The following DPP6 variants were observed in gnomAD, a reference collection of about 807,000 sequenced individuals.
DPP6 encodes the protein A-type potassium channel modulatory protein DPP6.
DPP6 carries 69 observed loss-of-function variants against 122.6 expected under a neutral mutation model. The ratio of observed to expected loss-of-function variants is 0.56; its 90% CI spans 0.46 to 0.69. DPP6 has a LOEUF of 0.69. Ranked by LOEUF, DPP6 falls within the 30% of genes least tolerant of loss-of-function variation. The pLI is 0.00. For synonymous variants in DPP6, 418 were observed against 433.1 expected (o/e 0.97, Z 0.43); for missense variants, 928 against 1,116.9 (o/e 0.83, Z 2.41).
At chr7:154,276,562 T>A (rs1287120558) in intron 1 of DPP6, among the ~76,000 whole-genome samples, 1 of 152,224 alleles carries the variant, frequency 6.6e-6, no homozygotes, top group Non-Finnish European at 1.5e-5. Flanking sequence ...TTAAGAGTGT[T>A]ATTCTGACCT....
chr7:154,376,238 A>G (rs1813120646), intron 1 of DPP6, among the ~76,000 whole-genome samples: 1 of 152,214 alleles, frequency 6.6e-6, no homozygotes, highest in Non-Finnish European at 1.5e-5. Context: ...AATAGCACCA[A>G]CATGTGACCA....
intron 5 of DPP6, among the ~76,000 whole-genome samples, chr7:154,608,487 C>G (rs545847248): frequency 9.2e-6 from 1 of 108,176 alleles, no homozygotes; most frequent in African/African-American, 2.8e-5. Flanking sequence ...GCCACTACAC[C>G]TGGCTAATTT....
At chr7:154,203,288 A>T (rs1387570225) in intron 1 of DPP6, among the ~76,000 whole-genome samples, 1 of 152,128 alleles carries the variant, frequency 6.6e-6, no homozygotes, top group Non-Finnish European at 1.5e-5. Flanking sequence ...GGAAACAATG[A>T]TCCCATAAAC....
At chr7:154,805,301 C>T (rs370319390) in intron 15 of DPP6, among the ~76,000 whole-genome samples, 16 of 152,324 alleles carry the variant, frequency 1.1e-4, no homozygotes, top group African/African-American at 3.8e-4. Context: ...CCCTGCCCCA[C>T]CACAGATTTT....
rs1800471516 is a variant in DPP6, at chr7:154,052,896, C to T, written c.76C>T (p.His26Tyr). ...RSFPAPPEAS[H>Y]LLGGQGPEED... Reference sequence around the variant, plus strand: ...CTTCCCCGCGCCCCCGGAGGCGAGTCACCTCCTGGGCGGCCAGGGGCCCGA... The same window carrying T: ...CTTCCCCGCGCCCCCGGAGGCGAGTTACCTCCTGGGCGGCCAGGGGCCCGA... The change falls in exon 1 of 26, where the codon CAC (histidine) becomes TAC (tyrosine). Residue 26 changes from histidine (H) to tyrosine (Y), a missense_variant. By Grantham distance (83) the His-to-Tyr change is moderately conservative. Transcript: ENST00000377770. This position sits in a 1 kb window ranked among gnomAD's most constrained non-coding sequence, Gnocchi z 4.8. 8 of 1,526,884 alleles carry T rather than the reference C, an allele frequency of 5.2e-6. No individual in the cohort carries two copies. In the South Asian group the frequency reaches 6.0e-5, roughly 11 times the overall value. 94.6% of individuals were successfully genotyped at this position (1,526,884 alleles called of 1,614,324 possible).
At position 154,483,013 on chromosome 7, in the gene DPP6, G is replaced by T. The variant is rs1385468120; in HGVS notation, c.457+7976G>T. Among the ~76,000 whole-genome samples the T allele has an allele frequency of 1.3e-5, 2 of 152,150 alleles. No homozygotes were observed. Among genetic ancestry groups the T allele is most frequent in the Non-Finnish European group, 2.9e-5 (2 of 68,030 alleles). Reference sequence around the variant, plus strand: ...TCGTTAGGTATTGAGAACTGGGGATGAAGCCAGGTGAGAGGTTGGAGCCAT... The same window carrying T: ...TCGTTAGGTATTGAGAACTGGGGATTAAGCCAGGTGAGAGGTTGGAGCCAT... On this transcript the variant is annotated intron_variant, in intron 3 of 25. Coordinates refer to ENST00000377770, the MANE Select transcript of DPP6 (RefSeq NM_130797.4). This position sits in a 1 kb window ranked among gnomAD's most constrained non-coding sequence, Gnocchi z 8.1.
At chr7:154,332,137 TC>T (rs1809000903) in intron 1 of DPP6, among the ~76,000 whole-genome samples, 1 of 151,354 alleles carries the variant, frequency 6.6e-6, no homozygotes, top group South Asian at 2.1e-4. Context: ...AGTGGTGCAA[TC>T]CCAGCTCACT....
At position 154,887,900 on chromosome 7, in the gene DPP6, G is replaced by C. The variant is rs2316537; in HGVS notation, c.2304+166G>C. On this transcript the variant is annotated intron_variant, in intron 23 of 25. Coordinates refer to ENST00000377770, the MANE Select transcript of DPP6 (RefSeq NM_130797.4). The stretch of plus-strand genomic sequence containing the variant: ...ACCTCCGAAGGATCATTCCACCAGA[G>C]AGTGGATTGAGGTTAACATGGCCTC... 0.3 allele frequency among the ~76,000 whole-genome samples: 45,904 copies of C among 151,654 alleles called. 8,405 individuals carry two copies. The highest frequency in any genetic ancestry group is 0.55 in the East Asian group (2,803 of 5,104).
intron 5 of DPP6, among the ~76,000 whole-genome samples, chr7:154,613,992 G>A (rs1423541867): frequency 6.6e-6 from 1 of 152,210 alleles, no homozygotes; most frequent in Admixed American, 6.5e-5. Context: ...TCCGCATACA[G>A]TGTCTTCTTT....
intron 1 of DPP6, among the ~76,000 whole-genome samples, chr7:154,401,716 G>A (rs1467246307): frequency 6.6e-6 from 1 of 152,142 alleles, no homozygotes; most frequent in African/African-American, 2.4e-5. Flanking sequence ...AACACCAAAA[G>A]CAATGGCAAC....
chr7:153,886,854 C>T (rs1584982194), upstream of DPP6, among the ~76,000 whole-genome samples: 1 of 152,178 alleles, frequency 6.6e-6, no homozygotes, highest in Non-Finnish European at 1.5e-5. Flanking sequence ...CCGGCCTCTC[C>T]CTTCTCTCGC....
intron 7 of DPP6, among the ~76,000 whole-genome samples, chr7:154,673,306 G>A (rs1476205367): frequency 6.6e-6 from 1 of 152,200 alleles, no homozygotes; most frequent in Non-Finnish European, 1.5e-5. Flanking sequence ...GGAACATGTA[G>A]CCTCCTGTGC....
intron 1 of DPP6, among the ~76,000 whole-genome samples, chr7:154,153,174 G>A (rs1454779216): frequency 6.6e-6 from 1 of 152,206 alleles, no homozygotes; most frequent in African/African-American, 2.4e-5. Context: ...GCTTATACAA[G>A]AGGGGAGTTG....
At chr7:154,647,370 T>C (rs1563056527) in intron 6 of DPP6, among the ~76,000 whole-genome samples, 1 of 152,208 alleles carries the variant, frequency 6.6e-6, no homozygotes, top group Admixed American at 6.5e-5. Flanking sequence ...CCAGTAAAGT[T>C]TCCTCTCAGG....
At chr7:154,649,258 A>G (rs1836712351) in intron 6 of DPP6, among the ~76,000 whole-genome samples, 1 of 152,132 alleles carries the variant, frequency 6.6e-6, no homozygotes, top group Non-Finnish European at 1.5e-5. Flanking sequence ...TTGCATGGAT[A>G]TCATAATTTG....
chr7:154,631,611 G>C (rs1408129693), intron 5 of DPP6, among the ~76,000 whole-genome samples: 2 of 151,472 alleles, frequency 1.3e-5, no homozygotes, highest in Non-Finnish European at 2.9e-5. Context: ...TGGTTGCGGT[G>C]AGCCAAGATT....
Position 154,452,115 on chromosome 7 carries a change from C to CTG in DPP6, c.358+5787_358+5788insTG, listed in dbSNP as rs1820432759. Among the ~76,000 whole-genome samples, 3 of 152,348 alleles carry CTG rather than the reference C, an allele frequency of 2.0e-5. No individual in the cohort carries two copies. The South Asian group carries it at 6.2e-4, about 32-fold the overall frequency. ...AGAGAATGCCTGCCAACAGAGCCAG[C>CTG]ATGAATGATCCCGGCTAGGAGCTGA... On this transcript the variant is annotated intron_variant, in intron 2 of 25. Coordinates refer to ENST00000377770, the MANE Select transcript of DPP6 (RefSeq NM_130797.4).
At chr7:154,750,337 C>T (rs1007849623) in intron 8 of DPP6, among the ~76,000 whole-genome samples, 5 of 152,204 alleles carry the variant, frequency 3.3e-5, no homozygotes, top group African/African-American at 1.2e-4. Flanking sequence ...CCTGCAAGAG[C>T]CCAGGCTCAG....
chr7:154,873,857 T>C (rs1804603475), intron 19 of DPP6, among the ~76,000 whole-genome samples: 1 of 124,320 alleles, frequency 8.0e-6, no homozygotes, highest in African/African-American at 3.1e-5. Context: ...CATACCCACA[T>C]GCACACACAC....
Sources: gnomAD v4.1 joint callset for allele counts (sites outside exome capture counted in the v4.1 genomes callset) on GRCh38, gnomAD v4.1.1 for gene constraint, Gnocchi (gnomAD v3.1) non-coding constraint, MANE v1.5 for transcripts, NCBI Gene and HGNC (gene_info 2026-07-23, HGNC 2026-07-21) for gene names.